The following SNRPN variants were observed in gnomAD, a reference collection of about 807,000 sequenced individuals.
SNRPN encodes the protein small nuclear ribonucleoprotein-associated protein N.
SNRPN carries 7 observed loss-of-function variants against 25.2 expected under a neutral mutation model. That is an observed-to-expected ratio of 0.28 (90% CI 0.16 to 0.52). The LOEUF (loss-of-function observed/expected upper bound fraction) is 0.52. Among genes scored for constraint, SNRPN ranks in the 20% least tolerant of loss-of-function variants. SNRPN has a pLI of 0.96. For missense variants in SNRPN, 196 were observed against 322.5 expected (o/e 0.61, Z 3.00); for synonymous variants, 124 against 110.6 (o/e 1.12, Z -0.76).
rs35465024 is a variant in SNRPN at position 24,939,752 on chromosome 15, G to GTT, written c.-391+19641_-391+19642dup. ...CTGGCTTGGCCCATTTTAAAATCAG[G>GTT]TTTTTTTTTTTTTTAAAGTTGATTA... On this transcript the variant is annotated intron_variant, in intron 3 of 11. Transcript: ENST00000400097. Among the ~76,000 whole-genome samples, 1,342 of 141,394 alleles carry GTT rather than the reference G, an allele frequency of 9.5e-3. 14 individuals carry two copies. Among genetic ancestry groups the GTT allele is most frequent in the African/African-American group, 0.024 (905 of 38,230 alleles). 92.8% of individuals were successfully genotyped at this position (141,394 alleles called of 152,430 possible).
chr15:24,842,973 G>C (rs1345269045), intron 2 of SNRPN, among the ~76,000 whole-genome samples: 1 of 152,080 alleles, frequency 6.6e-6, no homozygotes, highest in Non-Finnish European at 1.5e-5. Context: ...TAATCTTTCA[G>C]TAACACTTTC....
At chr15:24,977,151 C>T (rs375973958) in intron 7 of SNRPN, 122 bp downstream of exon 7, 34 of 692,394 alleles carry the variant, frequency 4.9e-5, no homozygotes, top group Middle Eastern at 4.1e-4. Flanking sequence ...TTAGGAGGAA[C>T]CAAAACACAG....
At chr15:24,917,717 C>T (rs1330990241) in intron 2 of SNRPN, among the ~76,000 whole-genome samples, 2 of 152,210 alleles carry the variant, frequency 1.3e-5, no homozygotes, top group Non-Finnish European at 2.9e-5. Flanking sequence ...GTTTTCTTTC[C>T]GCAGCCACGG....
At chr15:24,873,173 A>G (rs1379345040) in intron 1 of SNRPN, among the ~76,000 whole-genome samples, 1 of 119,880 alleles carries the variant, frequency 8.3e-6, no homozygotes, top group Non-Finnish European at 1.8e-5. Flanking sequence ...TGCCCGCAAA[A>G]AAAAAGCAAC....
chr15:24,845,772 T>C (rs1008694967), intron 2 of SNRPN, among the ~76,000 whole-genome samples: 7 of 152,136 alleles, frequency 4.6e-5, no homozygotes, highest in Admixed American at 3.3e-4. Context: ...TTCTACTGAA[T>C]GTATAGATAA....
intron 2 of SNRPN, among the ~76,000 whole-genome samples, chr15:24,899,084 A>C (rs988220597): frequency 6.6e-6 from 1 of 152,174 alleles, no homozygotes; most frequent in Non-Finnish European, 1.5e-5. Flanking sequence ...CAAAGGCCAC[A>C]AGGGGTTTTA....
At chr15:24,838,804 A>G (rs2051437915) in intron 2 of SNRPN, among the ~76,000 whole-genome samples, 2 of 152,082 alleles carry the variant, frequency 1.3e-5, no homozygotes, top group Admixed American at 6.6e-5. Context: ...TTCCCGCACT[A>G]CTAGAGGGTT....
intron 3 of SNRPN, among the ~76,000 whole-genome samples, chr15:24,970,449 G>A (rs538671290): frequency 2.0e-5 from 3 of 152,018 alleles, no homozygotes; most frequent in South Asian, 2.1e-4. Flanking sequence ...TGTAGTGGGG[G>A]ACACCTGTAA....
At chr15:24,924,662 T>A (rs567444322) in intron 3 of SNRPN, among the ~76,000 whole-genome samples, 3 of 151,368 alleles carry the variant, frequency 2.0e-5, no homozygotes, top group Middle Eastern at 3.4e-3. Flanking sequence ...TTTTTTTTTT[T>A]ATTTCTTGCA....
At chr15:24,887,804 G>A (rs1015638534) in intron 2 of SNRPN, among the ~76,000 whole-genome samples, 1 of 152,060 alleles carries the variant, frequency 6.6e-6, no homozygotes, top group Non-Finnish European at 1.5e-5. Context: ...AGTGAGGATG[G>A]TCTGTGTCCG....
At chr15:24,951,819 C>T (rs139307627), upstream of SNRPN, among the ~76,000 whole-genome samples, 4 of 152,260 alleles carry the variant, frequency 2.6e-5, no homozygotes, top group East Asian at 7.7e-4. Flanking sequence ...AGTACTAACA[C>T]TTCTTTATAC....
intron 1 of SNRPN, among the ~76,000 whole-genome samples, chr15:24,875,469 T>A (rs2055761927): frequency 6.6e-6 from 1 of 152,236 alleles, no homozygotes; most frequent in Non-Finnish European, 1.5e-5. Flanking sequence ...GTTTTTAAGT[T>A]CAGGTCAATG....
chr15:24,872,847 G>C (rs1180957398), intron 1 of SNRPN, among the ~76,000 whole-genome samples: 1 of 100,688 alleles, frequency 9.9e-6, no homozygotes, highest in African/African-American at 3.5e-5. Context: ...ACTCCAGCCT[G>C]GGTGACAGAG....
chr15:24,920,955 C>T (rs373005457), intron 3 of SNRPN, among the ~76,000 whole-genome samples: 12 of 152,220 alleles, frequency 7.9e-5, no homozygotes, highest in East Asian at 5.8e-4. Flanking sequence ...GGTGTAGTAC[C>T]CTTCCAAGTA....
intron 2 of SNRPN, among the ~76,000 whole-genome samples, chr15:24,908,115 T>C (rs1304861599): frequency 1.4e-5 from 2 of 147,718 alleles, no homozygotes; most frequent in Non-Finnish European, 3.0e-5. Context: ...CAGCCCTTAC[T>C]AGACACAAAT....
chr15:24,955,266 A>G (rs1453282442), intron 1 of SNRPN, among the ~76,000 whole-genome samples: 1 of 151,840 alleles, frequency 6.6e-6, no homozygotes, highest in Non-Finnish European at 1.5e-5. Flanking sequence ...GTCCGCTCGC[A>G]TTGGGGCGCG....
At chr15:24,873,590 A>G (rs771481949) in intron 1 of SNRPN, among the ~76,000 whole-genome samples, 27 of 151,808 alleles carry the variant, frequency 1.8e-4, no homozygotes, top group South Asian at 4.2e-4. Context: ...TGGGACCACA[A>G]GTGCCCACCA....
chr15:24,824,473 G>A (rs985514967), intron 1 of SNRPN, among the ~76,000 whole-genome samples: 3 of 151,982 alleles, frequency 2.0e-5, no homozygotes, highest in Non-Finnish European at 4.4e-5. Context: ...CCATAATACA[G>A]AGATGTATTA....
At chr15:24,959,078 A>G (rs1331469574) in intron 1 of SNRPN, among the ~76,000 whole-genome samples, 5 of 152,212 alleles carry the variant, frequency 3.3e-5, no homozygotes, top group African/African-American at 1.2e-4. Flanking sequence ...TTAGGCCGTA[A>G]TAAAATTGGG....
Sources: gnomAD v4.1 joint callset for allele counts (sites outside exome capture counted in the v4.1 genomes callset) on GRCh38, gnomAD v4.1.1 for gene constraint, MANE v1.5 for transcripts, NCBI Gene and HGNC (gene_info 2026-07-23, HGNC 2026-07-21) for gene names.